SLC38A7: variants seen among roughly 807,000 people sequenced by gnomAD.
The protein encoded by SLC38A7 is sodium-coupled neutral amino acid transporter 7.
A neutral mutation model predicts 50.1 loss-of-function variants in SLC38A7; 29 were observed. The observed-to-expected ratio is 0.58, with a 90% CI of 0.43 to 0.79. SLC38A7 has a LOEUF of 0.79. Ranked by LOEUF, SLC38A7 falls within the 30% of genes least tolerant of loss-of-function variation. SLC38A7 has a pLI of 0.00. For missense variants in SLC38A7, 483 were observed against 610.6 expected (o/e 0.79, Z 2.20); for synonymous variants, 244 against 245.9 (o/e 0.99, Z 0.07).
At position 58,672,212 on chromosome 16, in the gene SLC38A7, A is replaced by G. The variant is rs762365562; in HGVS notation, c.915T>C (p.Ala305=). 6.3e-7 allele frequency: 1 copy of G among 1,582,468 alleles called. No homozygotes were observed. The highest frequency in any genetic ancestry group is 8.6e-7 in the Non-Finnish European group (1 of 1,164,214). The change falls in exon 9 of 12, where the codon GCT becomes GCC. Residue 305 remains alanine (A), a synonymous_variant. Transcript: ENST00000219320. ...AGGACAGGAGCACGTCAGGATCCACAGCAGCTCCAAAGGTCAGGAAGCCAC... is the reference window on the plus strand; with the variant it reads ...AGGACAGGAGCACGTCAGGATCCACGGCAGCTCCAAAGGTCAGGAAGCCAC... The part of the protein sequence containing the change: ...GICGFLTFGA[A]VDPDVLLSYP...
At chr16:58,673,187 T>G (rs1320780902) in intron 8 of SLC38A7, among the ~76,000 whole-genome samples, 1 of 140,010 alleles carries the variant, frequency 7.1e-6, no homozygotes, top group Non-Finnish European at 1.5e-5. Context: ...TTCTCATGCC[T>G]CAGCCTCCTA....
At position 58,667,433 on chromosome 16, in the gene SLC38A7, G is replaced by A. The variant is rs765478386; in HGVS notation, c.1341C>T (p.Ile447=). ...GVLLVTLGAF[I]FGQTTANAIF... ...TGGCGTTGGCTGTGGTCTGGCCGAA[G>A]ATGAAGGCTCCCAGGGTGACCAAGA... Residue 447 remains isoleucine (I), a synonymous_variant, in exon 12 of 12, where the codon ATC becomes ATT. Coordinates refer to ENST00000219320, the MANE Select transcript of SLC38A7 (RefSeq NM_018231.3). The A allele has an allele frequency of 6.8e-5, 109 of 1,613,934 alleles. No individual in the cohort carries two copies. The highest frequency in any genetic ancestry group is 8.9e-5 in the Non-Finnish European group (105 of 1,180,040).
intron 2 of SLC38A7, 78 bp from the exon 3 acceptor site, chr16:58,680,319 C>T (rs2044363639): frequency 5.3e-6 from 3 of 565,114 alleles, no homozygotes. Context: ...ATAACTTTCC[C>T]AAGATCACAT....
At chr16:58,683,219 G>A (rs2044429236) in intron 2 of SLC38A7, among the ~76,000 whole-genome samples, 1 of 152,190 alleles carries the variant, frequency 6.6e-6, no homozygotes, top group Non-Finnish European at 1.5e-5. Context: ...AAAGGGAACT[G>A]AGCATATTCA....
chr16:58,677,145 C>T (rs1200892754), intron 6 of SLC38A7, among the ~76,000 whole-genome samples, 181 bp downstream of exon 6: 1 of 152,176 alleles, frequency 6.6e-6, no homozygotes, highest in Non-Finnish European at 1.5e-5. Context: ...GATTCTTGCT[C>T]TTCCTTCCAG....
chr16:58,673,671 T>TG (rs2044203718), intron 8 of SLC38A7, among the ~76,000 whole-genome samples: 2 of 145,388 alleles, frequency 1.4e-5, no homozygotes, highest in Admixed American at 6.8e-5. Flanking sequence ...GCCGTTTTTT[T>TG]TTTTTTTTTT....
Position 58,677,341 on chromosome 16 carries a change from C to G in SLC38A7, c.695G>C (p.Gly232Ala), listed in dbSNP as rs150999581. Residue 232 changes from glycine to alanine, a missense_variant, in exon 6 of 12, where the codon GGG becomes GCG. By Grantham distance (60) the Gly-to-Ala change is moderately conservative (BLOSUM62 0). Coordinates refer to ENST00000219320, the MANE Select transcript of SLC38A7 (RefSeq NM_018231.3). Reference sequence around the variant, plus strand: ...TCACCCTCACCTGGTCAGGATGTTCCCTGGGGTCATCTCTTTATCTGGCCA... The same window carrying G: ...TCACCCTCACCTGGTCAGGATGTTCGCTGGGGTCATCTCTTTATCTGGCCA... ...YIWPDKEMTPGNILTRPASWM... is the reference protein window; with the variant it reads ...YIWPDKEMTPANILTRPASWM... The G allele has an allele frequency of 1.9e-5, 31 of 1,613,856 alleles. No homozygotes were observed. In the African/African-American group the frequency reaches 3.2e-4, roughly 17 times the overall value.
intron 6 of SLC38A7, among the ~76,000 whole-genome samples, chr16:58,676,856 G>A (rs906128290): frequency 2.0e-5 from 3 of 151,960 alleles, no homozygotes; most frequent in South Asian, 2.1e-4. Flanking sequence ...GGGTTTCACC[G>A]TGTTAGCCAG....
At position 58,672,049 on chromosome 16, in the gene SLC38A7, C is replaced by T. The variant is rs368498039; in HGVS notation, c.1031+47G>A. 486 of 1,502,970 alleles carry T rather than the reference C, an allele frequency of 3.2e-4. 1 individual carries two copies. The highest frequency in any genetic ancestry group is 4.2e-4 in the Non-Finnish European group (468 of 1,122,788). The allele number at this position is 1,502,970 out of a possible 1,614,324, so 93.1% of individuals were successfully genotyped here. A position where few individuals can be genotyped will look rare whatever the true frequency, so the allele number is the denominator to read the frequency against. On this transcript the variant is annotated intron_variant, in intron 9 of 11. Transcript: ENST00000219320. ...CAAGGCCAAAGGACCATGTTGGAAG[C>T]GCTCACAGGGGCTAGGAGGGGCCCT...
At chr16:58,681,905 C>G (rs1456776426) in intron 2 of SLC38A7, 2 of 152,226 alleles carry the variant, frequency 1.3e-5, no homozygotes, top group Non-Finnish European at 2.9e-5. Context: ...ATCTGTAATT[C>G]CAGCACTTTG....
In SLC38A7 at chr16:58,667,253, G is replaced by T; in HGVS notation, c.*132C>A. Reference sequence around the variant, plus strand: ...AGGTGTGGGGCCTGAGTTTGCCCCAGTCCCTGGAAGAGGATGTCCGGATGT... The same window carrying T: ...AGGTGTGGGGCCTGAGTTTGCCCCATTCCCTGGAAGAGGATGTCCGGATGT... On this transcript the variant is annotated 3_prime_UTR_variant, in exon 12 of 12. Coordinates refer to ENST00000219320, the MANE Select transcript of SLC38A7 (RefSeq NM_018231.3). The T allele has an allele frequency of 1.1e-6, 1 of 931,222 alleles. No individual in the cohort carries two copies. Among genetic ancestry groups the T allele is most frequent in the Non-Finnish European group, 1.7e-6 (1 of 603,420 alleles). The allele number at this position is 931,222 out of a possible 1,614,324, so 57.7% of individuals were successfully genotyped here. A position where few individuals can be genotyped will look rare whatever the true frequency, so the allele number is the denominator to read the frequency against.
chr16:58,671,325 A>C, intron 9 of SLC38A7, 81 bp from the exon 10 acceptor site: 2 of 1,369,706 alleles, frequency 1.5e-6, no homozygotes, highest in Non-Finnish European at 2.0e-6. Flanking sequence ...CAGACCCCTA[A>C]CTGGGTAGAC....
chr16:58,676,233 TC>T (rs1223957878), intron 7 of SLC38A7, 55 bp downstream of exon 7: 1 of 1,610,172 alleles, frequency 6.2e-7, no homozygotes. Context: ...CTGGGTTCCA[TC>T]CCAGGGTGGG....
At position 58,667,285 on chromosome 16, in the gene SLC38A7, A is replaced by G; in HGVS notation, c.*100T>C. The G allele has an allele frequency of 1.6e-6, 2 of 1,266,356 alleles. No homozygotes were observed. Among genetic ancestry groups the G allele is most frequent in the Non-Finnish European group, 2.3e-6 (2 of 876,336 alleles). 78.4% of individuals were successfully genotyped at this position (1,266,356 alleles called of 1,614,324 possible). A position where few individuals can be genotyped will look rare whatever the true frequency, so the allele number is the denominator to read the frequency against. ...GAAGAGGATGTCCGGATGTCATCCC[A>G]CCAGTTGGAATGATCGTGGACTAAG... On this transcript the variant is annotated 3_prime_UTR_variant, in exon 12 of 12. Transcript: ENST00000219320.
rs555193881 is a variant in SLC38A7 at position 58,670,646 on chromosome 16, C to G, written c.1231+399G>C. ...CTGATGTCTGTGTCAGGGTGCCACC[C>G]CAGACCCCACTGCCCTCTGGGCTGT... is the stretch of plus-strand genomic sequence containing the variant. On this transcript the variant is annotated intron_variant, in intron 10 of 11. Transcript: ENST00000219320. 6.6e-5 allele frequency among the ~76,000 whole-genome samples: 10 copies of G among 152,342 alleles called. No individual in the cohort carries two copies. In the South Asian group the frequency reaches 1.9e-3, roughly 28 times the overall value.
In SLC38A7 at chr16:58,665,461, C is replaced by T. The variant is rs62065309; in HGVS notation, c.*1924G>A. The T allele has an allele frequency of 8.0e-3, 1,205 of 151,096 alleles. 5 individuals are homozygous for T. Among genetic ancestry groups the T allele is most frequent in the Non-Finnish European group, 0.013 (888 of 68,298 alleles). The allele number at this position is 151,096 out of a possible 1,614,324, so 9.4% of individuals were successfully genotyped here. Reference sequence around the variant, plus strand: ...GGCCCCGGGGGCAGAGAAGATCAGGCACCAAGAGGGGATGTGAGAAAAGGC... The same window carrying T: ...GGCCCCGGGGGCAGAGAAGATCAGGTACCAAGAGGGGATGTGAGAAAAGGC... On this transcript the variant is annotated 3_prime_UTR_variant, in exon 12 of 12. Coordinates refer to ENST00000219320, the MANE Select transcript of SLC38A7 (RefSeq NM_018231.3).
At position 58,675,847 on chromosome 16, in the gene SLC38A7, G is replaced by C. The variant is rs532927121; in HGVS notation, c.883+93C>G. The stretch of plus-strand genomic sequence containing the variant: ...ATACAAGTCATGCTGGGAATGCAGG[G>C]CTGTCCCCAGGAAAGCTAGGCCCCA... On this transcript the variant is annotated intron_variant, in intron 8 of 11. Coordinates refer to ENST00000219320, the MANE Select transcript of SLC38A7 (RefSeq NM_018231.3). 292 of 960,376 alleles carry C rather than the reference G, an allele frequency of 3.0e-4. 1 individual carries two copies. In the Middle Eastern group the frequency reaches 4.4e-3, roughly 15 times the overall value. The allele number at this position is 960,376 out of a possible 1,614,324, so 59.5% of individuals were successfully genotyped here.
In SLC38A7 at chr16:58,678,855, C is replaced by A. The variant is rs1347518724; in HGVS notation, c.310G>T (p.Ala104Ser). The change falls in exon 4 of 12, where the codon GCC becomes TCC. Residue 104 changes from alanine (A) to serine (S), a missense_variant. Ala to Ser is a moderately conservative substitution (Grantham distance 99, BLOSUM62 1). Transcript: ENST00000219320. This position sits in a 1 kb window ranked among gnomAD's most constrained non-coding sequence, Gnocchi z 4.0. ...VFIISGLVIL[A>S]YCSQASNERT... ...TCATTGCTGGCCTGGGAGCAGTAGG[C>A]CAGGATGACAAGGCCACTGATGATG... The A allele has an allele frequency of 1.1e-5, 17 of 1,614,040 alleles. No individual in the cohort carries two copies. Among genetic ancestry groups the A allele is most frequent in the Non-Finnish European group, 1.4e-5 (17 of 1,180,026 alleles).
chr16:58,672,107 G>T lies in SLC38A7; in HGVS notation c.1020C>A (p.His340Gln). 6.4e-7 allele frequency: 1 copy of T among 1,557,932 alleles called. No individual in the cohort carries two copies. Among genetic ancestry groups the T allele is most frequent in the East Asian group, 2.4e-5 (1 of 41,402 alleles). ...GGAAGGGGGCTCACCGCCCACAGAA[G>T]TGCAGGATAGGGTAGGAGGTGAGCA... ...LSVLTSYPIL[H>Q]FCGRAVVEGL... Residue 340 changes from histidine to glutamine, a missense_variant, in exon 9 of 12, where the codon CAC becomes CAA. Coordinates refer to ENST00000219320, the MANE Select transcript of SLC38A7 (RefSeq NM_018231.3).
Sources: allele counts gnomAD v4.1 joint callset (sites outside exome capture counted in the v4.1 genomes callset), GRCh38; gene constraint gnomAD v4.1.1; non-coding constraint Gnocchi (gnomAD v3.1); transcripts MANE v1.5; gene names NCBI Gene and HGNC (gene_info 2026-07-23, HGNC 2026-07-21).